The following UBE2H variants were observed in gnomAD, a reference collection of about 807,000 sequenced individuals.
UBE2H encodes the protein ubiquitin conjugating enzyme E2 H.
In UBE2H, 3 loss-of-function variants were observed where a neutral mutation model predicts 29.0. The ratio of observed to expected loss-of-function variants is 0.10; its 90% CI spans 0.05 to 0.27. UBE2H has a LOEUF of 0.27. UBE2H is among the 10% of genes least tolerant of loss of function. The probability of loss-of-function intolerance (pLI) is 1.00; values close to 1 mark genes in which losing one functional copy is unlikely to be tolerated. For synonymous variants in UBE2H, 69 were observed against 82.9 expected (o/e 0.83, Z 0.91); for missense variants, 68 against 228.2 (o/e 0.30, Z 4.52).
chr7:129,855,319 C>A (rs1445910203), intron 5 of UBE2H, among the ~76,000 whole-genome samples: 5 of 152,120 alleles, frequency 3.3e-5, no homozygotes, highest in Non-Finnish European at 7.4e-5. Context: ...GTAATTGGAA[C>A]CAGATTGCAG....
chr7:129,853,568 T>C (rs1006562372), intron 5 of UBE2H, among the ~76,000 whole-genome samples: 3 of 152,256 alleles, frequency 2.0e-5, no homozygotes, highest in Non-Finnish European at 2.9e-5. Flanking sequence ...TTCCTCACTA[T>C]AATTAGCTCT....
intron 1 of UBE2H, among the ~76,000 whole-genome samples, chr7:129,920,253 C>T (rs1039024910): frequency 6.6e-6 from 1 of 152,062 alleles, no homozygotes; most frequent in African/African-American, 2.4e-5. Context: ...CAAATAAACA[C>T]ACACATATTT....
At chr7:129,841,483 A>G (rs1247458554) in intron 5 of UBE2H, among the ~76,000 whole-genome samples, 1 of 152,262 alleles carries the variant, frequency 6.6e-6, no homozygotes, top group Non-Finnish European at 1.5e-5. Flanking sequence ...ATAAGTGGCT[A>G]CTGAGCACTC....
At chr7:129,861,748 C>T (rs1344177222) in intron 3 of UBE2H, among the ~76,000 whole-genome samples, 4 of 151,922 alleles carry the variant, frequency 2.6e-5, no homozygotes, top group African/African-American at 7.3e-5. Flanking sequence ...AAAAATTAGC[C>T]GGGCATGTGG....
intron 5 of UBE2H, among the ~76,000 whole-genome samples, chr7:129,854,151 A>T (rs527400001): frequency 1.3e-5 from 2 of 150,128 alleles, no homozygotes; most frequent in Admixed American, 1.3e-4. Context: ...GCAGGAAATG[A>T]AGTGATTCAG....
chr7:129,835,636 T>C (rs1294338031), intron 6 of UBE2H, among the ~76,000 whole-genome samples: 3 of 152,186 alleles, frequency 2.0e-5, no homozygotes. Flanking sequence ...GGTTTTTCCA[T>C]GTATAATTTA....
At chr7:129,930,920 A>AC (rs1807379504) in intron 1 of UBE2H, among the ~76,000 whole-genome samples, 1 of 144,110 alleles carries the variant, frequency 6.9e-6, no homozygotes, top group Non-Finnish European at 1.5e-5. Flanking sequence ...AAAAAAAAAA[A>AC]AAAAAAAAAA....
chr7:129,840,073 T>C (rs1805400790), intron 5 of UBE2H, among the ~76,000 whole-genome samples: 1 of 152,192 alleles, frequency 6.6e-6, no homozygotes, highest in Non-Finnish European at 1.5e-5. Flanking sequence ...TGGAGGTAAA[T>C]ATAACCAATT....
intron 1 of UBE2H, among the ~76,000 whole-genome samples, chr7:129,937,248 G>C (rs1301772069): frequency 1.3e-5 from 2 of 151,762 alleles, no homozygotes; most frequent in African/African-American, 4.8e-5. Flanking sequence ...AGAATGGCGT[G>C]AACCCAGGAG....
At chr7:129,857,087 T>A (rs1805719520) in intron 5 of UBE2H, 1 of 155,998 alleles carries the variant, frequency 6.4e-6, no homozygotes, top group Non-Finnish European at 1.4e-5. Flanking sequence ...GAGGTTTTGG[T>A]CTTTGAAAAG....
chr7:129,950,252 C>T (rs1807847021), intron 1 of UBE2H, among the ~76,000 whole-genome samples: 1 of 152,156 alleles, frequency 6.6e-6, no homozygotes, highest in African/African-American at 2.4e-5. Flanking sequence ...CTGTTATCCT[C>T]CTATCTCAGA....
intron 1 of UBE2H, among the ~76,000 whole-genome samples, chr7:129,934,464 C>A (rs146061969): frequency 1.2e-3 from 177 of 150,008 alleles, no homozygotes; most frequent in African/African-American, 4.1e-3. Context: ...ATGGTGAAAC[C>A]CTGTCTCTAC....
At chr7:129,849,927 G>C (rs1805579043) in intron 5 of UBE2H, among the ~76,000 whole-genome samples, 1 of 152,124 alleles carries the variant, frequency 6.6e-6, no homozygotes, top group Non-Finnish European at 1.5e-5. Flanking sequence ...TTAGCCCATG[G>C]GGATCTTTAA....
intron 1 of UBE2H, among the ~76,000 whole-genome samples, chr7:129,883,225 TTA>T (rs1364326373): frequency 2.6e-5 from 4 of 152,206 alleles, no homozygotes; most frequent in African/African-American, 9.6e-5. Context: ...TAAAATGAAT[TTA>T]CTCTTTTATT....
At chr7:129,845,310 T>G (rs1057452049) in intron 5 of UBE2H, among the ~76,000 whole-genome samples, 2 of 152,196 alleles carry the variant, frequency 1.3e-5, no homozygotes, top group African/African-American at 4.8e-5. Context: ...GGATGGGATC[T>G]GTATGTGTGT....
intron 1 of UBE2H, among the ~76,000 whole-genome samples, chr7:129,944,757 C>T (rs752714889): frequency 3.3e-5 from 5 of 151,654 alleles, no homozygotes; most frequent in Admixed American, 2.0e-4. Context: ...CACACGCACG[C>T]ACGCACGCGC....
At chr7:129,841,676 C>T (rs556276803) in intron 5 of UBE2H, among the ~76,000 whole-genome samples, 1 of 152,300 alleles carries the variant, frequency 6.6e-6, no homozygotes, top group Non-Finnish European at 1.5e-5. Context: ...TGACACAGAG[C>T]AGCTCTGCCT....
Position 129,935,003 on chromosome 7 carries a change from A to ATG in UBE2H, c.53+17498_53+17499dup, listed in dbSNP as rs769803644. ...TGTGTGTATATATATGTGTGTGTATATGTGTGTGTGTGTGTGTATATATAT... is the reference window on the plus strand; with the variant it reads ...TGTGTGTATATATATGTGTGTGTATATGTGTGTGTGTGTGTGTGTATATATAT... On this transcript the variant is annotated intron_variant, in intron 1 of 6. Coordinates refer to ENST00000355621, the MANE Select transcript of UBE2H (RefSeq NM_003344.4). Among the ~76,000 whole-genome samples the ATG allele has an allele frequency of 9.5e-3, 1,421 of 149,432 alleles. 15 individuals are homozygous for ATG. Among genetic ancestry groups the ATG allele is most frequent in the East Asian group, 0.035 (181 of 5,138 alleles).
rs141847930 is a variant in UBE2H at position 129,836,696 on chromosome 7, A to G, written c.428-1635T>C. Among the ~76,000 whole-genome samples, 384 of 152,116 alleles carry G rather than the reference A, an allele frequency of 2.5e-3. 1 individual carries two copies. The highest frequency in any genetic ancestry group is 4.0e-3 in the Non-Finnish European group (269 of 67,978). ...GGACTTCGAGACCAGCCTGGCCAACATGGTGAAACCCCATCTCTACAAAAA... is the reference window on the plus strand; with the variant it reads ...GGACTTCGAGACCAGCCTGGCCAACGTGGTGAAACCCCATCTCTACAAAAA... On this transcript the variant is annotated intron_variant, in intron 6 of 6. Transcript: ENST00000355621.
Sources: allele counts gnomAD v4.1 joint callset (sites outside exome capture counted in the v4.1 genomes callset), GRCh38; gene constraint gnomAD v4.1.1; transcripts MANE v1.5; gene names NCBI Gene and HGNC (gene_info 2026-07-23, HGNC 2026-07-21).